The following EML4 variants were observed in gnomAD, a reference collection of about 807,000 sequenced individuals.
EML4 encodes the protein echinoderm microtubule-associated protein-like 4.
EML4 carries 72 observed loss-of-function variants against 129.0 expected under a neutral mutation model. That is an observed-to-expected ratio of 0.56 (90% CI 0.46 to 0.68). The LOEUF is 0.68. EML4 is among the 30% of genes least tolerant of loss of function. The probability of loss-of-function intolerance (pLI) is 0.00; values close to 1 mark genes in which losing one functional copy is unlikely to be tolerated. For synonymous variants in EML4, 532 were observed against 405.0 expected (o/e 1.31, Z -3.77); for missense variants, 1,363 against 1,190.6 (o/e 1.14, Z -2.13).
rs1483325772 is a variant in EML4 at position 42,325,639 on chromosome 2, T to TATATATATATGC, written c.2242+85_2242+86insATATATATATGC. 3.5e-5 allele frequency: 7 copies of TATATATATATGC among 197,944 alleles called. No homozygotes were observed. In the East Asian group the frequency reaches 6.8e-4, roughly 19 times the overall value. 12.3% of individuals were successfully genotyped at this position (197,944 alleles called of 1,614,324 possible). A position where few individuals can be genotyped will look rare whatever the true frequency, so the allele number is the denominator to read the frequency against. ...ATATATATATATATATATATATATATGCTAAGATGTGTCTGTCAGGGGCGC... is the reference window on the plus strand; with the variant it reads ...ATATATATATATATATATATATATATATATATATATGCGCTAAGATGTGTCTGTCAGGGGCGC... On this transcript the variant is annotated intron_variant, in intron 20 of 22. Transcript: ENST00000318522.
rs757036840 is a variant in EML4 at position 42,330,901 on chromosome 2, G to A, written c.*694G>A. 5 of 204,592 alleles carry A rather than the reference G, an allele frequency of 2.4e-5. No individual in the cohort carries two copies. The highest frequency in any genetic ancestry group is 5.0e-5 in the Non-Finnish European group (5 of 99,772). 12.7% of individuals were successfully genotyped at this position (204,592 alleles called of 1,614,324 possible). ...CAACTCTGTTTTATCCTAGAACTAA[G>A]AGAGCATTGGTTTGTTAAAGAGCTT... On this transcript the variant is annotated 3_prime_UTR_variant, in exon 23 of 23. Coordinates refer to ENST00000318522, the MANE Select transcript of EML4 (RefSeq NM_019063.5).
chr2:42,197,456 T>C (rs945863681), intron 1 of EML4, among the ~76,000 whole-genome samples: 2 of 152,108 alleles, frequency 1.3e-5, no homozygotes, highest in African/African-American at 2.4e-5. Context: ...AAGTCATCTA[T>C]TGGCAGGAGG....
At chr2:42,185,598 ACTG>A in intron 1 of EML4, among the ~76,000 whole-genome samples, 1 of 152,298 alleles carries the variant, frequency 6.6e-6, no homozygotes, top group East Asian at 1.9e-4. Context: ...TCATTGGGGA[ACTG>A]CTAAGTAAAT....
chr2:42,240,081 T>C (rs553388800), intron 1 of EML4, among the ~76,000 whole-genome samples: 1 of 152,290 alleles, frequency 6.6e-6, no homozygotes, highest in East Asian at 1.9e-4. Context: ...TGAGAGGGGT[T>C]GTTGGACTTC....
intron 1 of EML4, among the ~76,000 whole-genome samples, chr2:42,172,631 C>T (rs1670346775): frequency 6.6e-6 from 1 of 151,952 alleles, no homozygotes; most frequent in African/African-American, 2.4e-5. Context: ...ATTATGGTAA[C>T]TTAAGGCAGC....
At chr2:42,282,754 A>G in intron 7 of EML4, 69 bp from the exon 8 acceptor site, 6 of 1,331,892 alleles carry the variant, frequency 4.5e-6, no homozygotes, top group Admixed American at 3.7e-5. Flanking sequence ...TTCCTTAAGT[A>G]TCCATGAAAA....
intron 6 of EML4, among the ~76,000 whole-genome samples, chr2:42,272,515 T>C (rs1356172090): frequency 6.6e-6 from 1 of 152,168 alleles, no homozygotes; most frequent in African/African-American, 2.4e-5. Flanking sequence ...ACTCCTGACC[T>C]CGGGTGATCT....
In EML4 at chr2:42,326,267, C is replaced by A. The variant is rs1156601602; in HGVS notation, c.2341+15C>A. The A allele has an allele frequency of 1.3e-6, 2 of 1,566,036 alleles. No homozygotes were observed. Among genetic ancestry groups the A allele is most frequent in the Non-Finnish European group, 1.8e-6 (2 of 1,142,686 alleles). ...TCAAGTATTTGGTAAGGAAATGACACCTGATGTAAAGAAGTGGTTTGTGGG... is the reference window on the plus strand; with the variant it reads ...TCAAGTATTTGGTAAGGAAATGACAACTGATGTAAAGAAGTGGTTTGTGGG... On this transcript the variant is annotated intron_variant, in intron 21 of 22. Transcript: ENST00000318522.
chr2:42,266,507 C>G (rs987021045), intron 6 of EML4, among the ~76,000 whole-genome samples: 3 of 151,646 alleles, frequency 2.0e-5, no homozygotes, highest in Admixed American at 1.3e-4. Flanking sequence ...ACATACCTGG[C>G]TGATTTTTGT....
intron 1 of EML4, among the ~76,000 whole-genome samples, chr2:42,201,917 A>G (rs543121055): frequency 6.6e-5 from 10 of 152,282 alleles, no homozygotes; most frequent in Non-Finnish European, 1.2e-4. Flanking sequence ...CCCCATCTCT[A>G]CTAAAAATAC....
intron 1 of EML4, among the ~76,000 whole-genome samples, chr2:42,194,374 T>C (rs1359579270): frequency 1.4e-5 from 2 of 145,448 alleles, no homozygotes; most frequent in African/African-American, 2.5e-5. Context: ...ACTGGATAAT[T>C]TATATCATTG....
chr2:42,178,876 T>C (rs1670771058), intron 1 of EML4, among the ~76,000 whole-genome samples: 1 of 152,230 alleles, frequency 6.6e-6, no homozygotes, highest in African/African-American at 2.4e-5. Flanking sequence ...GAAATCTATT[T>C]AACTTTAAAA....
chr2:42,244,636 C>A (rs1301713336), intron 1 of EML4, among the ~76,000 whole-genome samples: 3 of 152,074 alleles, frequency 2.0e-5, no homozygotes, highest in African/African-American at 7.2e-5. Context: ...AGCAAAAGGT[C>A]TTTTGTTAAT....
At chr2:42,317,615 C>A (rs2103794842) in intron 19 of EML4, 91 bp downstream of exon 19, 1 of 775,358 alleles carries the variant, frequency 1.3e-6, no homozygotes, top group Non-Finnish European at 2.1e-6. Flanking sequence ...GTGTTGTTTC[C>A]TGTCGTTAGC....
chr2:42,329,313 A>T (rs1341937082), intron 22 of EML4, among the ~76,000 whole-genome samples: 1 of 152,230 alleles, frequency 6.6e-6, no homozygotes, highest in African/African-American at 2.4e-5. Context: ...TAAATATTTT[A>T]AAATATTTTA....
At chr2:42,320,619 A>C (rs532468336) in intron 19 of EML4, among the ~76,000 whole-genome samples, 1 of 152,302 alleles carries the variant, frequency 6.6e-6, no homozygotes, top group Non-Finnish European at 1.5e-5. Context: ...ATTTAACAGT[A>C]ATCTATTAAA....
intron 1 of EML4, among the ~76,000 whole-genome samples, chr2:42,186,494 C>G (rs1158769676): frequency 3.3e-5 from 5 of 152,154 alleles, no homozygotes; most frequent in Non-Finnish European, 5.9e-5. Flanking sequence ...GTTTTTAGAG[C>G]AAGCTTTTGA....
chr2:42,221,487 G>A (rs1673595014), intron 1 of EML4, among the ~76,000 whole-genome samples: 1 of 143,492 alleles, frequency 7.0e-6, no homozygotes, highest in African/African-American at 2.6e-5. Context: ...ATGGCTCACT[G>A]CAGCCTCAAT....
intron 7 of EML4, 84 bp from the exon 8 acceptor site, chr2:42,282,739 C>T (rs1572684977): frequency 8.3e-7 from 1 of 1,205,510 alleles, no homozygotes; most frequent in Non-Finnish European, 1.2e-6. Flanking sequence ...ATTGTACCTT[C>T]CTAATTCCTT....
Sources: gnomAD v4.1 joint callset for allele counts (sites outside exome capture counted in the v4.1 genomes callset) on GRCh38, gnomAD v4.1.1 for gene constraint, MANE v1.5 for transcripts, NCBI Gene and HGNC (gene_info 2026-07-23, HGNC 2026-07-21) for gene names.